ELP4: variants seen among roughly 807,000 people sequenced by gnomAD.
The protein encoded by ELP4 is elongator complex protein 4.
Under a neutral mutation model 48.9 loss-of-function variants are expected in ELP4, and 51 were observed. The ratio of observed to expected loss-of-function variants is 1.04; its 90% CI spans 0.83 to 1.32. The LOEUF (loss-of-function observed/expected upper bound fraction) is 1.32, where lower values mean the gene tolerates loss of function less well. Among genes scored for constraint, ELP4 ranks in the 40% most tolerant of loss-of-function variants. The probability of loss-of-function intolerance (pLI) is 0.00; values close to 1 mark genes in which losing one functional copy is unlikely to be tolerated. For missense variants in ELP4, 519 were observed against 514.6 expected (o/e 1.01, Z -0.08); for synonymous variants, 210 against 189.2 (o/e 1.11, Z -0.90).
At chr11:31,717,462 A>G (rs929433079) in intron 9 of ELP4, among the ~76,000 whole-genome samples, 2 of 152,194 alleles carry the variant, frequency 1.3e-5, no homozygotes, top group African/African-American at 2.4e-5. Flanking sequence ...AGATGGTTAT[A>G]TAAAAATTTA....
At chr11:31,677,432 C>G (rs1945949325) in intron 9 of ELP4, among the ~76,000 whole-genome samples, 1 of 152,200 alleles carries the variant, frequency 6.6e-6, no homozygotes, top group South Asian at 2.1e-4. Context: ...AACTGAGGAT[C>G]TCAAAATTGA....
intron 9 of ELP4, among the ~76,000 whole-genome samples, chr11:31,760,477 C>T (rs1201798601): frequency 2.6e-5 from 4 of 152,094 alleles, no homozygotes; most frequent in Non-Finnish European, 5.9e-5. Flanking sequence ...AAGTTCTTTT[C>T]CTTAAGTAGA....
intron 9 of ELP4, among the ~76,000 whole-genome samples, chr11:31,678,697 T>C (rs1945990700): frequency 6.6e-6 from 1 of 152,174 alleles, no homozygotes; most frequent in East Asian, 1.9e-4. Context: ...TTGGCAATTA[T>C]GAAGAAAGCT....
intron 9 of ELP4, among the ~76,000 whole-genome samples, chr11:31,677,469 G>A (rs537373043): frequency 3.9e-5 from 6 of 152,240 alleles, no homozygotes; most frequent in African/African-American, 1.4e-4. Context: ...CCACGCCCAC[G>A]TAGCTATTGG....
intron 9 of ELP4, among the ~76,000 whole-genome samples, chr11:31,749,525 C>G (rs2134236061): frequency 6.6e-6 from 1 of 152,304 alleles, no homozygotes; most frequent in Middle Eastern, 3.4e-3. Context: ...CTCCAAATTA[C>G]TTCCTCTGTC....
intron 9 of ELP4, chr11:31,662,961 T>A (rs1945595919): frequency 5.9e-6 from 1 of 168,352 alleles, no homozygotes; most frequent in African/African-American, 2.4e-5. Flanking sequence ...TAGGGGCACC[T>A]CATTTCAGTC....
At chr11:31,531,759 G>A (rs570393683) in intron 2 of ELP4, among the ~76,000 whole-genome samples, 1 of 152,180 alleles carries the variant, frequency 6.6e-6, no homozygotes, top group South Asian at 2.1e-4. Flanking sequence ...TTTGAAACGG[G>A]AGTGACAAGA....
At chr11:31,676,863 G>A (rs907184447) in intron 9 of ELP4, among the ~76,000 whole-genome samples, 2 of 152,106 alleles carry the variant, frequency 1.3e-5, no homozygotes, top group Non-Finnish European at 2.9e-5. Flanking sequence ...TTGGGTTATG[G>A]CCAAGTTTAG....
chr11:31,695,390 G>T (rs952106462), intron 9 of ELP4, among the ~76,000 whole-genome samples: 2 of 152,040 alleles, frequency 1.3e-5, no homozygotes, highest in African/African-American at 2.4e-5. Context: ...TTTTTCGGAG[G>T]CCTTTTCTGC....
At chr11:31,608,825 G>C (rs560482180) in intron 5 of ELP4, among the ~76,000 whole-genome samples, 1 of 152,208 alleles carries the variant, frequency 6.6e-6, no homozygotes, top group East Asian at 1.9e-4. Context: ...AGGGTAAGTG[G>C]GTGCTAAAAA....
intron 3 of ELP4, among the ~76,000 whole-genome samples, chr11:31,548,309 A>G (rs565929551): frequency 1.1e-4 from 17 of 152,190 alleles, no homozygotes; most frequent in African/African-American, 3.6e-4. Context: ...AAATCAATGT[A>G]CAAAAATCAC....
At chr11:31,741,153 G>T (rs1411234551) in intron 9 of ELP4, among the ~76,000 whole-genome samples, 1 of 152,166 alleles carries the variant, frequency 6.6e-6, no homozygotes, top group African/African-American at 2.4e-5. Context: ...TAGCACAGCA[G>T]TCCGAGATCA....
intron 9 of ELP4, among the ~76,000 whole-genome samples, chr11:31,759,741 C>A (rs902940192): frequency 6.7e-6 from 1 of 149,026 alleles, no homozygotes; most frequent in Non-Finnish European, 1.5e-5. Flanking sequence ...GAGTCTCGCT[C>A]TGTCACCCAG....
At chr11:31,598,520 T>TC in intron 4 of ELP4, among the ~76,000 whole-genome samples, 1 of 141,634 alleles carries the variant, frequency 7.1e-6, no homozygotes, top group South Asian at 2.3e-4. Context: ...TTTTTTTTTT[T>TC]TTTTTGAGAT....
At chr11:31,726,787 A>G (rs886525763) in intron 9 of ELP4, among the ~76,000 whole-genome samples, 1 of 152,210 alleles carries the variant, frequency 6.6e-6, no homozygotes, top group African/African-American at 2.4e-5. Flanking sequence ...CAGTGTTCCA[A>G]GGAATACACT....
At chr11:31,766,219 T>A (rs974826445) in intron 9 of ELP4, among the ~76,000 whole-genome samples, 2 of 152,128 alleles carry the variant, frequency 1.3e-5, no homozygotes, top group African/African-American at 4.8e-5. Flanking sequence ...TAAAGAGATA[T>A]TTTATATCTG....
At chr11:31,563,943 C>T (rs1957063127) in intron 3 of ELP4, among the ~76,000 whole-genome samples, 1 of 152,130 alleles carries the variant, frequency 6.6e-6, no homozygotes, top group Admixed American at 6.5e-5. Flanking sequence ...CTGTGATTGA[C>T]AGCTGTAATA....
intron 1 of ELP4, among the ~76,000 whole-genome samples, chr11:31,517,728 T>A (rs2133874657): frequency 6.6e-6 from 1 of 152,164 alleles, no homozygotes; most frequent in Admixed American, 6.5e-5. Context: ...GCAATTCTCC[T>A]GCCTCAGCCT....
At chr11:31,524,742 A>G (rs1392759811) in intron 2 of ELP4, among the ~76,000 whole-genome samples, 1 of 152,166 alleles carries the variant, frequency 6.6e-6, no homozygotes, top group Non-Finnish European at 1.5e-5. Context: ...TGAATTTGCT[A>G]AGCTATATTA....
Sources: allele counts gnomAD v4.1 joint callset (sites outside exome capture counted in the v4.1 genomes callset), GRCh38; gene constraint gnomAD v4.1.1; transcripts MANE v1.5; gene names NCBI Gene and HGNC (gene_info 2026-07-23, HGNC 2026-07-21).